Variants in GRIK2 observed in about 807,000 individuals in gnomAD.
GRIK2 encodes glutamate receptor ionotropic, kainate 2.
In GRIK2, 32 loss-of-function variants were observed where a neutral mutation model predicts 100.3. That is an observed-to-expected ratio of 0.32 (90% confidence interval 0.24 to 0.43). The LOEUF is 0.43. Among genes scored for constraint, GRIK2 ranks in the 20% least tolerant of loss-of-function variants. The pLI, the probability that GRIK2 is intolerant of heterozygous loss-of-function variation, is 1.00. For synonymous variants in GRIK2, 417 were observed against 389.4 expected, an observed-to-expected ratio of 1.07 and a Z score of -0.83; for missense variants, 843 against 1,114.9, an observed-to-expected ratio of 0.76 and a Z score of 3.47.
intron 4 of GRIK2, among the ~76,000 whole-genome samples, chr6:101,669,757 A>T (rs1477365123): frequency 2.0e-5 from 3 of 152,166 alleles, no homozygotes; most frequent in Non-Finnish European, 4.4e-5. Context: ...AAATGGGTGG[A>T]TAAACATCTA....
intron 2 of GRIK2, among the ~76,000 whole-genome samples, chr6:101,587,301 A>G (rs1778423345): frequency 6.6e-6 from 1 of 152,146 alleles, no homozygotes; most frequent in Admixed American, 6.6e-5. Flanking sequence ...CAAATGTGAC[A>G]CAAGTGAAAA....
intron 14 of GRIK2, among the ~76,000 whole-genome samples, chr6:102,033,437 G>A (rs899015518): frequency 1.4e-4 from 21 of 151,202 alleles, no homozygotes; most frequent in African/African-American, 4.8e-4. Flanking sequence ...TGGGTTGGGG[G>A]AGTCATCATG....
At chr6:101,477,298 T>C (rs568199506) in intron 2 of GRIK2, among the ~76,000 whole-genome samples, 3 of 152,248 alleles carry the variant, frequency 2.0e-5, no homozygotes, top group Admixed American at 1.3e-4. Flanking sequence ...GGGGTTAGTA[T>C]GTTGGTGTTA....
chr6:101,464,336 A>G (rs951541125), intron 2 of GRIK2, among the ~76,000 whole-genome samples: 4 of 152,100 alleles, frequency 2.6e-5, no homozygotes, highest in Non-Finnish European at 5.9e-5. Flanking sequence ...CAGGTTGAAG[A>G]AAGTATGATT....
intron 14 of GRIK2, among the ~76,000 whole-genome samples, chr6:101,953,913 CTTTGA>C (rs1385920373): frequency 1.3e-5 from 2 of 151,976 alleles, no homozygotes; most frequent in Non-Finnish European, 2.9e-5. Flanking sequence ...CTACAATTCA[CTTTGA>C]TTTAATTTTT....
At chr6:101,938,626 TTTGA>T (rs1242714864) in intron 14 of GRIK2, among the ~76,000 whole-genome samples, 6 of 152,180 alleles carry the variant, frequency 3.9e-5, no homozygotes, top group Admixed American at 1.3e-4. Flanking sequence ...AGGTGAGCAC[TTTGA>T]TTGATGTGTA....
In GRIK2 at chr6:101,457,727, T is replaced by C. The variant is rs977681155; in HGVS notation, c.115+58335T>C. 9.2e-5 allele frequency among the ~76,000 whole-genome samples: 14 copies of C among 152,276 alleles called. No individual in the cohort carries two copies. In the East Asian group the frequency reaches 1.4e-3, roughly 15 times the overall value. On this transcript the variant is annotated intron_variant, in intron 2 of 16. Transcript: ENST00000369134. Reference sequence around the variant, plus strand: ...CATTAAAATTTACAGTTTTGGTGCTTCACAGTTTACTTCTTTGAATTTTCT... The same window carrying C: ...CATTAAAATTTACAGTTTTGGTGCTCCACAGTTTACTTCTTTGAATTTTCT...
chr6:101,759,120 A>C (rs1777322148), intron 7 of GRIK2, among the ~76,000 whole-genome samples: 1 of 152,204 alleles, frequency 6.6e-6, no homozygotes, highest in Non-Finnish European at 1.5e-5. Context: ...ATATTAAAAA[A>C]TTCTTAGGCA....
At chr6:101,659,385 C>A (rs146919818) in intron 4 of GRIK2, among the ~76,000 whole-genome samples, 1 of 152,100 alleles carries the variant, frequency 6.6e-6, no homozygotes, top group Non-Finnish European at 1.5e-5. Context: ...TGTTTTGGTA[C>A]CAGTACCGTG....
intron 2 of GRIK2, among the ~76,000 whole-genome samples, chr6:101,523,617 A>G (rs1470636025): frequency 6.6e-6 from 1 of 152,012 alleles, no homozygotes; most frequent in African/African-American, 2.4e-5. Context: ...ATCTTCTACT[A>G]TATCTACATT....
chr6:101,451,662 C>T (rs548880510), intron 2 of GRIK2, among the ~76,000 whole-genome samples: 167 of 140,516 alleles, frequency 1.2e-3, no homozygotes, highest in African/African-American at 4.0e-3. Context: ...GAACAAATTA[C>T]TAACTTTTCT....
At chr6:102,045,773 CAT>C (rs1418270339) in intron 15 of GRIK2, among the ~76,000 whole-genome samples, 3 of 151,968 alleles carry the variant, frequency 2.0e-5, no homozygotes, top group South Asian at 2.1e-4. Flanking sequence ...TGCTCCATAT[CAT>C]ATGTCATAAA....
chr6:101,553,520 GA>G (rs1269440088), intron 2 of GRIK2, among the ~76,000 whole-genome samples: 1 of 151,962 alleles, frequency 6.6e-6, no homozygotes, highest in Non-Finnish European at 1.5e-5. Context: ...TTCTTTATAT[GA>G]AAAAAATACC....
intron 2 of GRIK2, among the ~76,000 whole-genome samples, chr6:101,455,113 A>G (rs980859902): frequency 6.6e-6 from 1 of 152,070 alleles, no homozygotes. Context: ...GTCTGTATGT[A>G]TAAGGGTAGT....
At chr6:101,644,469 G>A (rs915135424) in intron 4 of GRIK2, among the ~76,000 whole-genome samples, 2 of 151,720 alleles carry the variant, frequency 1.3e-5, no homozygotes, top group Non-Finnish European at 3.0e-5. Flanking sequence ...GGACTGGCAA[G>A]ACTGAAAATC....
intron 14 of GRIK2, among the ~76,000 whole-genome samples, chr6:101,958,283 G>GTGTGTGTGTGTGTGTGTGTGTGTGTGT (rs71028091): frequency 6.6e-6 from 1 of 150,756 alleles, no homozygotes; most frequent in African/African-American, 2.4e-5. Flanking sequence ...GTGTGTGTGT[G>GTGTGTGTGTGTGTGTGTGTGTGTGTGT]GGTCCATTGC....
At chr6:101,854,251 A>G (rs1006008526) in intron 10 of GRIK2, among the ~76,000 whole-genome samples, 1 of 151,948 alleles carries the variant, frequency 6.6e-6, no homozygotes, top group Non-Finnish European at 1.5e-5. Context: ...TGCTAGAAAA[A>G]TTAAGTCTAT....
chr6:102,035,241 CAAGTA>C, intron 14 of GRIK2, 95 bp from the exon 15 acceptor site: 1 of 487,472 alleles, frequency 2.1e-6, no homozygotes, highest in Non-Finnish European at 3.7e-6. Context: ...TAAGATGGTA[CAAGTA>C]AAGTAAATGT....
chr6:101,762,748 A>G (rs965449637), intron 7 of GRIK2, among the ~76,000 whole-genome samples: 8 of 152,194 alleles, frequency 5.3e-5, no homozygotes, highest in Admixed American at 3.3e-4. Flanking sequence ...CAAGATGCTA[A>G]TTACAGCTTT....
Sources: gnomAD v4.1 joint callset for allele counts (sites outside exome capture counted in the v4.1 genomes callset) on GRCh38, gnomAD v4.1.1 for gene constraint, MANE v1.5 for transcripts, NCBI Gene and HGNC (gene_info 2026-07-23, HGNC 2026-07-21) for gene names.